TLE2: variants seen among roughly 807,000 people sequenced by gnomAD.
TLE2 encodes the protein TLE family member 2, transcriptional corepressor.
A neutral mutation model predicts 97.2 loss-of-function variants in TLE2; 74 were observed. The observed-to-expected ratio is 0.76, with a 90% CI of 0.63 to 0.92. The LOEUF is 0.92. Among genes scored for constraint, TLE2 ranks in the 40% least tolerant of loss-of-function variants. The pLI, the probability that TLE2 is intolerant of heterozygous loss-of-function variation, is 0.00. For synonymous variants in TLE2, 499 were observed against 432.1 expected, an observed-to-expected ratio of 1.15 and a Z score of -1.92; for missense variants, 1,038 against 1,008.7, an observed-to-expected ratio of 1.03 and a Z score of -0.39.
At chr19:3,015,924 G>A (rs992659001) in intron 8 of TLE2, 164 bp from the exon 9 acceptor site, 8 of 699,006 alleles carry the variant, frequency 1.1e-5, no homozygotes, top group Admixed American at 6.0e-5. Flanking sequence ...CAGTGCTAAG[G>A]TTTTGTTCTC....
intron 14 of TLE2, among the ~76,000 whole-genome samples, chr19:3,007,298 C>G (rs1279925907): frequency 6.6e-6 from 1 of 152,148 alleles, no homozygotes; most frequent in African/African-American, 2.4e-5. Context: ...CCATGTTGCT[C>G]AGGCTGGTCT....
intron 8 of TLE2, among the ~76,000 whole-genome samples, chr19:3,017,081 C>T (rs959380000): frequency 4.9e-5 from 6 of 122,152 alleles, no homozygotes; most frequent in Non-Finnish European, 9.9e-5. Flanking sequence ...GGGTATCTCC[C>T]ACACAGAAAG....
rs982722698 is a variant in TLE2 at position 3,019,127 on chromosome 19, G to A, written c.550+156C>T. On this transcript the variant is annotated intron_variant, in intron 7 of 19. Coordinates refer to ENST00000262953, the MANE Select transcript of TLE2 (RefSeq NM_003260.5). The surrounding 1 kb of genome is among the most constrained non-coding windows in gnomAD (Gnocchi z 5.1). Reference sequence around the variant, plus strand: ...TGCCCAGGCTGGTCATGAACTCCTGGGCTCAAGCGATCCTCCCGCCTCGGC... The same window carrying A: ...TGCCCAGGCTGGTCATGAACTCCTGAGCTCAAGCGATCCTCCCGCCTCGGC... Among the ~76,000 whole-genome samples, 1 of 152,014 alleles carries A rather than the reference G, an allele frequency of 6.6e-6. No individual in the cohort carries two copies. The highest frequency in any genetic ancestry group is 1.5e-5 in the Non-Finnish European group (1 of 67,990).
At chr19:3,010,102 G>A (rs1456324493) in intron 12 of TLE2, among the ~76,000 whole-genome samples, 3 of 151,888 alleles carry the variant, frequency 2.0e-5, no homozygotes, top group Admixed American at 1.3e-4. Context: ...AGTGGCTCAC[G>A]CCTGTAATCC....
rs1284899817 is a variant in TLE2, at chr19:3,019,935, G to C, written c.295-162C>G. The C allele has an allele frequency of 2.0e-6, 2 of 997,330 alleles. No individual in the cohort carries two copies. Among genetic ancestry groups the C allele is most frequent in the South Asian group, 1.7e-5 (1 of 58,802 alleles). 61.8% of individuals were successfully genotyped at this position (997,330 alleles called of 1,614,324 possible). ...CTCTCACTCTCTCCCTTTCCTTTTG[G>C]AATTTTGAAATAAGCACACGGAGAA... is the stretch of plus-strand genomic sequence containing the variant. On this transcript the variant is annotated intron_variant, in intron 5 of 19. Transcript: ENST00000262953. This position sits in a 1 kb window ranked among gnomAD's most constrained non-coding sequence, Gnocchi z 5.1.
chr19:3,020,485 C>T, intron 5 of TLE2: 1 of 152,036 alleles, frequency 6.6e-6, no homozygotes, highest in East Asian at 1.9e-4. Context: ...ACCATGGACC[C>T]TTCTCCTAGG....
chr19:3,009,637 T>G lies in TLE2; in HGVS notation c.1078A>C (p.Thr360Pro), dbSNP rs953102853. The G allele has an allele frequency of 6.2e-7, 1 of 1,612,984 alleles. No homozygotes were observed. The highest frequency in any genetic ancestry group is 8.5e-7 in the Non-Finnish European group (1 of 1,179,562). ...GGCACGGAGAGGTCTCCGTTGAGAG[T>G]GCTGTGGGAGCCCAGGCTGAAGGAC... is the stretch of plus-strand genomic sequence containing the variant. The part of the protein sequence containing the change: ...TTSFSLGSHS[T>P]LNGDLSVPSS... The change falls in exon 13 of 20, where the codon ACT (threonine) becomes CCT (proline). Residue 360 changes from threonine (T) to proline (P), a missense_variant. Thr to Pro is a conservative substitution (Grantham distance 38). Coordinates refer to ENST00000262953, the MANE Select transcript of TLE2 (RefSeq NM_003260.5).
chr19:3,013,747 A>G lies in TLE2; in HGVS notation c.795T>C (p.Arg265=). 6.4e-7 allele frequency: 1 copy of G among 1,562,558 alleles called. No individual in the cohort carries two copies. Among genetic ancestry groups the G allele is most frequent in the Non-Finnish European group, 8.6e-7 (1 of 1,156,534 alleles). ...CGKVPICIPA[R]RDLVDSPASL... ...AGGCTGGACTGTCCACCAGGTCCCG[A>G]CGGGCAGGAATGCAGATGGGTACCT... The change falls in exon 11 of 20, where the codon CGT becomes CGC. Residue 265 remains arginine, a synonymous_variant. Transcript: ENST00000262953.
chr19:3,006,811 C>A, intron 14 of TLE2, 142 bp from the exon 15 acceptor site: 1 of 1,267,152 alleles, frequency 7.9e-7, no homozygotes, highest in Admixed American at 2.9e-5. Context: ...GAGAGGGAGT[C>A]TCGCCGTGTC....
intron 11 of TLE2, among the ~76,000 whole-genome samples, chr19:3,011,557 A>G (rs1275749208): frequency 6.7e-6 from 1 of 149,012 alleles, no homozygotes; most frequent in African/African-American, 2.5e-5. Flanking sequence ...CTCTGTCTCA[A>G]AACAACAACA....
chr19:3,040,991 T>TTATATATATATATATATATA (rs1168113732), intron 1 of TLE2, among the ~76,000 whole-genome samples: 8 of 29,748 alleles, frequency 2.7e-4, no homozygotes, highest in East Asian at 1.4e-3. Context: ...CTGCTGCCAT[T>TTATATATATATATATATATA]TATATATATA....
intron 18 of TLE2, 97 bp from the exon 19 acceptor site, chr19:3,000,820 CT>C: frequency 1.4e-6 from 1 of 706,144 alleles, no homozygotes; most frequent in Non-Finnish European, 2.2e-6. Flanking sequence ...GGTCTGGCCT[CT>C]CCCTTTTTTT....
intron 10 of TLE2, among the ~76,000 whole-genome samples, 170 bp from the exon 11 acceptor site, chr19:3,013,988 ATT>A (rs35309457): frequency 1.9e-3 from 280 of 145,784 alleles, no homozygotes; most frequent in African/African-American, 2.8e-3. Flanking sequence ...TGTAAAATGT[ATT>A]TTTTTTTTTT....
At chr19:3,002,217 A>C (rs1285840128) in intron 18 of TLE2, 136 bp downstream of exon 18, 1 of 1,112,090 alleles carries the variant, frequency 9.0e-7, no homozygotes. Flanking sequence ...TACTTGTACT[A>C]ACGATTTGCT....
At chr19:3,037,026 C>G (rs950050147) in intron 1 of TLE2, among the ~76,000 whole-genome samples, 4 of 152,104 alleles carry the variant, frequency 2.6e-5, no homozygotes, top group African/African-American at 9.7e-5. Context: ...GGCTCACGCC[C>G]GTAATCCCAG....
At chr19:3,013,278 G>C (rs2089634170) in intron 11 of TLE2, among the ~76,000 whole-genome samples, 1 of 152,024 alleles carries the variant, frequency 6.6e-6, no homozygotes, top group Non-Finnish European at 1.5e-5. Context: ...CAACATCTCA[G>C]CTTGGGGCCG....
intron 5 of TLE2, among the ~76,000 whole-genome samples, chr19:3,023,147 C>T (rs2201123): frequency 8.6e-5 from 13 of 151,660 alleles, no homozygotes; most frequent in East Asian, 1.9e-4. Context: ...CTCCACCCCC[C>T]GGGTTCAAGC....
intron 1 of TLE2, among the ~76,000 whole-genome samples, chr19:3,044,646 C>T (rs2090128891): frequency 6.6e-6 from 1 of 152,224 alleles, no homozygotes; most frequent in Admixed American, 6.5e-5. Context: ...TCTCAAACTC[C>T]TGGCCTGACG....
upstream of TLE2, among the ~76,000 whole-genome samples, chr19:3,032,941 G>GTTT (rs10664438): frequency 0.11 from 15,979 of 146,146 alleles, 1,164 homozygotes; most frequent in East Asian, 0.3. The surrounding 1 kb of genome is among the most constrained non-coding windows in gnomAD (Gnocchi z 4.1). Flanking sequence ...CTTGTTGGTT[G>GTTT]TTTTTTTTTT....
Sources: allele counts gnomAD v4.1 joint callset (sites outside exome capture counted in the v4.1 genomes callset), GRCh38; gene constraint gnomAD v4.1.1; non-coding constraint Gnocchi (gnomAD v3.1); transcripts MANE v1.5; gene names NCBI Gene and HGNC (gene_info 2026-07-23, HGNC 2026-07-21).